Variants in JPH3 observed in about 807,000 individuals in gnomAD.
JPH3 encodes junctophilin-3.
A neutral mutation model predicts 59.6 loss-of-function variants in JPH3; 11 were observed. The ratio of observed to expected loss-of-function variants is 0.18; its 90% CI spans 0.12 to 0.31. The LOEUF (loss-of-function observed/expected upper bound fraction) is 0.31, where lower values mean the gene tolerates loss of function less well. JPH3 is among the 10% of genes least tolerant of loss of function. JPH3 has a pLI of 1.00. For synonymous variants in JPH3, 673 were observed against 483.6 expected, an observed-to-expected ratio of 1.39 and a Z score of -5.14; for missense variants, 1,202 against 1,105.7, an observed-to-expected ratio of 1.09 and a Z score of -1.24.
chr16:87,685,913 G>A (rs1386503736), intron 3 of JPH3, among the ~76,000 whole-genome samples: 3 of 152,212 alleles, frequency 2.0e-5, no homozygotes, highest in African/African-American at 7.2e-5. Context: ...TGGGAGGAGG[G>A]TCTGTGCAGG....
chr16:87,651,941 A>G (rs1257999798), intron 2 of JPH3, among the ~76,000 whole-genome samples: 2 of 152,144 alleles, frequency 1.3e-5, no homozygotes, highest in Non-Finnish European at 2.9e-5. Context: ...TGTGAAAGGA[A>G]GAGTTCATTG....
At chr16:87,673,373 G>A (rs989160083) in intron 2 of JPH3, among the ~76,000 whole-genome samples, 1 of 151,588 alleles carries the variant, frequency 6.6e-6, no homozygotes, top group African/African-American at 2.4e-5. Flanking sequence ...AGACCCCCTC[G>A]TGCTTTGCTC....
chr16:87,686,747 C>T (rs1270794844), intron 3 of JPH3, among the ~76,000 whole-genome samples: 1 of 152,146 alleles, frequency 6.6e-6, no homozygotes, highest in African/African-American at 2.4e-5. Flanking sequence ...GGCTCAGGTC[C>T]CTGCAGGAGG....
chr16:87,654,071 C>G (rs2032413191), intron 2 of JPH3: 1 of 152,282 alleles, frequency 6.6e-6, no homozygotes, highest in Admixed American at 6.5e-5. Flanking sequence ...TCATGGAGTT[C>G]TGGCCTTGTT....
chr16:87,692,052 T>A (rs77684672), intron 4 of JPH3, among the ~76,000 whole-genome samples: 1,931 of 152,244 alleles, frequency 0.013, 48 homozygotes, highest in African/African-American at 0.044. Context: ...TGCTACATGC[T>A]GCCCTGGTCC....
intron 2 of JPH3, among the ~76,000 whole-genome samples, chr16:87,655,738 G>A (rs2032478088): frequency 6.6e-6 from 1 of 152,256 alleles, no homozygotes; most frequent in Admixed American, 6.5e-5. Context: ...AATGAGTGCA[G>A]TGCAGGCACC....
intron 2 of JPH3, among the ~76,000 whole-genome samples, chr16:87,655,787 G>A (rs975248589): frequency 6.6e-6 from 1 of 152,236 alleles, no homozygotes; most frequent in Admixed American, 6.5e-5. Flanking sequence ...AACCAGTCTG[G>A]CCATCTCATG....
Position 87,698,001 on chromosome 16 carries a change from G to A in JPH3, c.*1341G>A, listed in dbSNP as rs1025043939. On this transcript the variant is annotated 3_prime_UTR_variant, in exon 5 of 5. Coordinates refer to ENST00000284262, the MANE Select transcript of JPH3 (RefSeq NM_020655.4). ...CGCTGCAGGGATTCCCCATCCGGTCGTCTTGGGGCCAGCCCGTCTTATGGA... is the reference window on the plus strand; with the variant it reads ...CGCTGCAGGGATTCCCCATCCGGTCATCTTGGGGCCAGCCCGTCTTATGGA... 4.6e-5 allele frequency: 7 copies of A among 152,634 alleles called. No individual in the cohort carries two copies. Among genetic ancestry groups the A allele is most frequent in the Non-Finnish European group, 1.0e-4 (7 of 68,082 alleles). 9.5% of individuals were successfully genotyped at this position (152,634 alleles called of 1,614,324 possible).
chr16:87,655,332 ATAATT>A (rs1025609424), intron 2 of JPH3, among the ~76,000 whole-genome samples: 2 of 151,302 alleles, frequency 1.3e-5, no homozygotes, highest in African/African-American at 4.9e-5. Flanking sequence ...TACAAAACAA[ATAATT>A]TTATTTTTTG....
At chr16:87,630,447 C>T (rs552277790) in intron 1 of JPH3, among the ~76,000 whole-genome samples, 1 of 152,298 alleles carries the variant, frequency 6.6e-6, no homozygotes, top group South Asian at 2.1e-4. Context: ...CCCAGCCAGT[C>T]CTCCCTGGGG....
chr16:87,609,143 TGTCA>T (rs1457591129), intron 1 of JPH3, among the ~76,000 whole-genome samples: 8 of 152,268 alleles, frequency 5.3e-5, no homozygotes, highest in Non-Finnish European at 1.2e-4. Context: ...ACCCCTACCC[TGTCA>T]GTCCTTCCTG....
At chr16:87,609,073 C>T (rs143928411) in intron 1 of JPH3, among the ~76,000 whole-genome samples, 7 of 152,158 alleles carry the variant, frequency 4.6e-5, no homozygotes, top group Non-Finnish European at 1.5e-5. Flanking sequence ...CCTACTCAGT[C>T]GGTGCATGGA....
intron 1 of JPH3, among the ~76,000 whole-genome samples, 178 bp from the exon 2 acceptor site, chr16:87,644,080 G>A (rs938544024): frequency 4.6e-5 from 7 of 152,194 alleles, no homozygotes; most frequent in Admixed American, 2.6e-4. Flanking sequence ...CCTGGCTGTC[G>A]TGAGCTGTGA....
chr16:87,689,586 G>C (rs879102148), intron 3 of JPH3, 60 bp from the exon 4 acceptor site: 8 of 1,558,064 alleles, frequency 5.1e-6, no homozygotes, highest in Non-Finnish European at 7.0e-6. Flanking sequence ...CGGGGACCGC[G>C]GCCTCGCTGT....
At chr16:87,662,635 G>A (rs2032741648) in intron 2 of JPH3, among the ~76,000 whole-genome samples, 1 of 152,210 alleles carries the variant, frequency 6.6e-6, no homozygotes, top group South Asian at 2.1e-4. Flanking sequence ...GTCTGTCCCG[G>A]CCATGGACCC....
intron 2 of JPH3, among the ~76,000 whole-genome samples, chr16:87,664,462 T>C (rs922560032): frequency 7.0e-6 from 1 of 143,846 alleles, no homozygotes; most frequent in African/African-American, 2.6e-5. Flanking sequence ...CTGTCTCTAC[T>C]AAAGATACAA....
intron 2 of JPH3, among the ~76,000 whole-genome samples, chr16:87,651,349 C>G (rs1597262982): frequency 1.3e-5 from 2 of 152,318 alleles, no homozygotes; most frequent in African/African-American, 4.8e-5. Flanking sequence ...GGATCAAGGA[C>G]TAATTTTGAC....
chr16:87,620,103 C>T (rs1166661616), intron 1 of JPH3, among the ~76,000 whole-genome samples: 3 of 152,084 alleles, frequency 2.0e-5, no homozygotes, highest in Non-Finnish European at 4.4e-5. Context: ...GGTCCCAGCC[C>T]ACAGTACTGC....
intron 3 of JPH3, among the ~76,000 whole-genome samples, chr16:87,685,701 G>A (rs906028460): frequency 4.6e-5 from 7 of 152,252 alleles, no homozygotes; most frequent in South Asian, 2.1e-4. Context: ...GGGATTCCAC[G>A]TACCAACCCT....
Sources: allele counts gnomAD v4.1 joint callset (sites outside exome capture counted in the v4.1 genomes callset), GRCh38; gene constraint gnomAD v4.1.1; transcripts MANE v1.5; gene names NCBI Gene and HGNC (gene_info 2026-07-23, HGNC 2026-07-21).